Variants in DIP2B observed in about 807,000 individuals in gnomAD.
DIP2B encodes the protein DIP2 acetate--CoA ligase B (putative), also known as disco-interacting protein 2 homolog B.
DIP2B carries 76 observed loss-of-function variants against 198.0 expected under a neutral mutation model. The ratio of observed to expected loss-of-function variants is 0.38; its 90% confidence interval spans 0.32 to 0.46. DIP2B has a LOEUF of 0.46. DIP2B is among the 20% of genes least tolerant of loss of function. The probability of loss-of-function intolerance (pLI) is 0.99; values close to 1 mark genes in which losing one functional copy is unlikely to be tolerated. For missense variants in DIP2B, 1,559 were observed against 1,978.4 expected, an observed-to-expected ratio of 0.79 and a Z score of 4.02; for synonymous variants, 701 against 739.1, an observed-to-expected ratio of 0.95 and a Z score of 0.84.
intron 33 of DIP2B, 29 bp from the exon 34 acceptor site, chr12:50,735,044 T>C (rs760277729): frequency 6.2e-7 from 1 of 1,613,968 alleles, no homozygotes; most frequent in Non-Finnish European, 8.5e-7. Context: ...TTAAAAGCCC[T>C]ATATATAGTA....
Position 50,704,188 on chromosome 12 carries a change from A to G in DIP2B, c.2374A>G (p.Ile792Val), listed in dbSNP as rs11169525. The G allele has an allele frequency of 1.6e-4, 264 of 1,611,690 alleles. 1 individual carries two copies. In the African/African-American group the frequency reaches 3.1e-3, roughly 19 times the overall value. Residue 792 changes from isoleucine (I) to valine (V), a missense_variant, in exon 20 of 38, where the codon ATC (isoleucine) becomes GTC (valine). Ile to Val is a conservative substitution (Grantham distance 29, BLOSUM62 3). Coordinates refer to ENST00000301180, the MANE Select transcript of DIP2B (RefSeq NM_173602.3). ...CTCTCCTGTTGGGGATGTGCCATTC[A>G]TCCGATCAGGATTGCTGGGGTTTGT... ...AGSPVGDVPF[I>V]RSGLLGFVGP...
intron 1 of DIP2B, among the ~76,000 whole-genome samples, chr12:50,555,308 C>T (rs1235218964): frequency 6.6e-6 from 1 of 152,096 alleles, no homozygotes; most frequent in Non-Finnish European, 1.5e-5. Flanking sequence ...AATTGGTTCT[C>T]CCCTTCCTAT....
At position 50,722,711 on chromosome 12, in the gene DIP2B, C is replaced by T. The variant is rs974434709; in HGVS notation, c.3167-491C>T. ...GGGGAAGGACCTGAGCTCTTCCTGA[C>T]GAGGCCTCTGCCCAGAGTCTTCCTC... is the stretch of plus-strand genomic sequence containing the variant. On this transcript the variant is annotated intron_variant, in intron 26 of 37. Transcript: ENST00000301180. Among the ~76,000 whole-genome samples, 8 of 152,330 alleles carry T rather than the reference C, an allele frequency of 5.3e-5. No homozygotes were observed. In the East Asian group the frequency reaches 7.7e-4, roughly 15 times the overall value.
rs1006527147 is a variant in DIP2B, at chr12:50,623,429, A to T, written c.101-2547A>T. On this transcript the variant is annotated intron_variant, in intron 1 of 37. Coordinates refer to ENST00000301180, the MANE Select transcript of DIP2B (RefSeq NM_173602.3). ...CACACACACACACACACACACACAC[A>T]CACACACACTCTCTCTCTCTCTCTC... 1.0e-2 allele frequency among the ~76,000 whole-genome samples: 493 copies of T among 49,368 alleles called. 4 individuals carry two copies. Among genetic ancestry groups the T allele is most frequent in the African/African-American group, 0.035 (411 of 11,874 alleles). 32.4% of individuals were successfully genotyped at this position (49,368 alleles called of 152,430 possible).
At chr12:50,643,290 A>G (rs1377937129) in intron 3 of DIP2B, among the ~76,000 whole-genome samples, 2 of 152,076 alleles carry the variant, frequency 1.3e-5, no homozygotes. Context: ...CCCAAGTATT[A>G]GAAAGCGTAT....
chr12:50,660,090 CTTTTT>C (rs79472721), intron 3 of DIP2B, 99 bp from the exon 4 acceptor site: 1 of 924,872 alleles, frequency 1.1e-6, no homozygotes, highest in Non-Finnish European at 1.4e-6. Flanking sequence ...TCCCCTTTAC[CTTTTT>C]TTTTTTTTTT....
rs71083600 is a variant in DIP2B at position 50,571,548 on chromosome 12, G to GTTTT, written c.101-54409_101-54406dup. Among the ~76,000 whole-genome samples the GTTTT allele has an allele frequency of 2.3e-3, 200 of 85,760 alleles. 10 individuals carry two copies. Among genetic ancestry groups the GTTTT allele is most frequent in the African/African-American group, 3.3e-3 (65 of 19,928 alleles). 56.3% of individuals were successfully genotyped at this position (85,760 alleles called of 152,430 possible). ...TATCTGTGACCTTTGAAACCTAGGCGTTTTTTTTTTTTTTTTTTTTTTGAG... is the reference window on the plus strand; with the variant it reads ...TATCTGTGACCTTTGAAACCTAGGCGTTTTTTTTTTTTTTTTTTTTTTTTTTGAG... On this transcript the variant is annotated intron_variant, in intron 1 of 37. Coordinates refer to ENST00000301180, the MANE Select transcript of DIP2B (RefSeq NM_173602.3).
intron 3 of DIP2B, among the ~76,000 whole-genome samples, chr12:50,652,363 A>G (rs1188199289): frequency 1.3e-5 from 2 of 148,440 alleles, no homozygotes; most frequent in East Asian, 2.0e-4. Context: ...ACACACACAC[A>G]CACACACGCA....
intron 1 of DIP2B, among the ~76,000 whole-genome samples, chr12:50,530,115 C>T (rs1365444775): frequency 3.9e-5 from 6 of 152,102 alleles, no homozygotes; most frequent in Middle Eastern, 3.4e-3. Flanking sequence ...CTCTCTCTGT[C>T]GCCCAGGCTG....
chr12:50,635,479 G>A lies in DIP2B; in HGVS notation c.173-5245G>A, dbSNP rs75429973. On this transcript the variant is annotated intron_variant, in intron 2 of 37. Coordinates refer to ENST00000301180, the MANE Select transcript of DIP2B (RefSeq NM_173602.3). ...GGTCACCCAAAGGTTTTTCCCAAAC[G>A]TGGCTTCCTTTTGTGATTGCTGCTT... is the stretch of plus-strand genomic sequence containing the variant. Among the ~76,000 whole-genome samples, 988 of 152,216 alleles carry A rather than the reference G, an allele frequency of 6.5e-3. 10 individuals carry two copies. The highest frequency in any genetic ancestry group is 0.022 in the African/African-American group (898 of 41,522).
At chr12:50,701,337 G>A (rs116267980) in intron 19 of DIP2B, among the ~76,000 whole-genome samples, 297 of 152,276 alleles carry the variant, frequency 2.0e-3, no homozygotes, top group African/African-American at 6.9e-3. Flanking sequence ...ACATTTCACT[G>A]GAGAAAAGAT....
intron 1 of DIP2B, among the ~76,000 whole-genome samples, chr12:50,572,626 C>A (rs1958625341): frequency 1.3e-5 from 2 of 152,150 alleles, no homozygotes; most frequent in South Asian, 2.1e-4. Context: ...TTCTGAATCT[C>A]TTCTCTTCCA....
intron 1 of DIP2B, among the ~76,000 whole-genome samples, chr12:50,576,785 T>G (rs995441489): frequency 2.0e-5 from 3 of 152,234 alleles, no homozygotes; most frequent in African/African-American, 7.2e-5. Flanking sequence ...CCAGCCGGTC[T>G]GACCCTTTAC....
Position 50,741,405 on chromosome 12 carries a change from C to A in DIP2B, c.4355-11C>A. ...GTCCAAGCCACATTTCTCTCTTTTT[C>A]TTTCTGTCAGAGCGTCATGATGCAT... On this transcript the variant is annotated splice_polypyrimidine_tract_variant and intron_variant, in intron 36 of 37. Coordinates refer to ENST00000301180, the MANE Select transcript of DIP2B (RefSeq NM_173602.3). 1 of 1,612,660 alleles carries A rather than the reference C, an allele frequency of 6.2e-7. No individual in the cohort carries two copies. Among genetic ancestry groups the A allele is most frequent in the South Asian group, 1.1e-5 (1 of 90,974 alleles).
At chr12:50,692,811 T>A (rs565987637) in intron 13 of DIP2B, 138 bp from the exon 14 acceptor site, 2 of 703,364 alleles carry the variant, frequency 2.8e-6, no homozygotes, top group East Asian at 5.8e-5. Context: ...CACTCCAGCC[T>A]GGGTGACAGA....
In DIP2B at chr12:50,746,951, TATA is replaced by T; in HGVS notation, c.*2115_*2117del. On this transcript the variant is annotated 3_prime_UTR_variant, in exon 38 of 38. Transcript: ENST00000301180. ...GAGATGCACTGTCCACTGTAAATAC[TATA>T]ATGAGAGCCACATCTGTAATTTAAA... is the stretch of plus-strand genomic sequence containing the variant. The T allele has an allele frequency of 6.6e-6, 1 of 152,320 alleles. No homozygotes were observed. The highest frequency in any genetic ancestry group is 1.5e-5 in the Non-Finnish European group (1 of 68,022). The allele number at this position is 152,320 out of a possible 1,614,324, so 9.4% of individuals were successfully genotyped here.
rs11169476 is a variant in DIP2B, at chr12:50,523,513, A to G, written c.100+18273A>G. The stretch of plus-strand genomic sequence containing the variant: ...TATATATAAATTTAATGGGAGTCCA[A>G]TTAGAACTCCAATGGAAGATTCTTT... On this transcript the variant is annotated intron_variant, in intron 1 of 37. Coordinates refer to ENST00000301180, the MANE Select transcript of DIP2B (RefSeq NM_173602.3). 1.4e-3 allele frequency among the ~76,000 whole-genome samples: 209 copies of G among 152,308 alleles called. 1 individual carries two copies. Among genetic ancestry groups the G allele is most frequent in the African/African-American group, 4.4e-3 (181 of 41,566 alleles).
At chr12:50,628,571 TTCTCTCTGTCTCGTACAGTCAC>T (rs1287942233) in intron 2 of DIP2B, among the ~76,000 whole-genome samples, 1 of 152,126 alleles carries the variant, frequency 6.6e-6, no homozygotes, top group Non-Finnish European at 1.5e-5. Flanking sequence ...CGTACAGTCA[TTCTCTCTGTCTCGTACAGTCAC>T]TCTCTCAGCC....
At chr12:50,651,673 C>A (rs1362359388) in intron 3 of DIP2B, among the ~76,000 whole-genome samples, 1 of 152,008 alleles carries the variant, frequency 6.6e-6, no homozygotes, top group Admixed American at 6.6e-5. Context: ...TCTATTGTTC[C>A]GTTGGTCTTC....
Sources: allele counts gnomAD v4.1 joint callset (sites outside exome capture counted in the v4.1 genomes callset), GRCh38; gene constraint gnomAD v4.1.1; transcripts MANE v1.5; gene names NCBI Gene and HGNC (gene_info 2026-07-23, HGNC 2026-07-21).